SERPINI1: variants seen among roughly 807,000 people sequenced by gnomAD.
SERPINI1 encodes neuroserpin.
SERPINI1 carries 19 observed loss-of-function variants against 41.1 expected under a neutral mutation model. The observed-to-expected ratio is 0.46, with a 90% CI of 0.32 to 0.68. The LOEUF (loss-of-function observed/expected upper bound fraction) is 0.68, where lower values mean the gene tolerates loss of function less well. Among genes scored for constraint, SERPINI1 ranks in the 30% least tolerant of loss-of-function variants. The pLI, the probability that SERPINI1 is intolerant of heterozygous loss-of-function variation, is 0.03. For missense variants in SERPINI1, 460 were observed against 479.2 expected, an observed-to-expected ratio of 0.96 and a Z score of 0.37; for synonymous variants, 138 against 156.6, an observed-to-expected ratio of 0.88 and a Z score of 0.89.
intron 1 of SERPINI1, among the ~76,000 whole-genome samples, chr3:167,747,507 G>A (rs1285939147): frequency 3.9e-5 from 6 of 152,160 alleles, no homozygotes; most frequent in Non-Finnish European, 1.5e-5. Flanking sequence ...AGCTGGGCGT[G>A]GCAGCGGGCG....
chr3:167,803,555 T>C (rs1711521473), intron 5 of SERPINI1, among the ~76,000 whole-genome samples: 1 of 152,132 alleles, frequency 6.6e-6, no homozygotes, highest in South Asian at 2.1e-4. Flanking sequence ...CCAACAATGC[T>C]ATGAAATAGG....
chr3:167,810,610 G>C (rs1711839515), intron 6 of SERPINI1, among the ~76,000 whole-genome samples: 1 of 152,160 alleles, frequency 6.6e-6, no homozygotes, highest in Non-Finnish European at 1.5e-5. Flanking sequence ...TAAGCTTTTT[G>C]TTGGTGGAGA....
At chr3:167,757,511 C>G (rs1239236005) in intron 1 of SERPINI1, among the ~76,000 whole-genome samples, 1 of 140,972 alleles carries the variant, frequency 7.1e-6, no homozygotes, top group African/African-American at 2.6e-5. Context: ...CTCTCTCTCT[C>G]ACACACACAC....
rs147836897 is a variant in SERPINI1 at position 167,810,241 on chromosome 3, C to G, written c.979+2900C>G. Among the ~76,000 whole-genome samples the G allele has an allele frequency of 4.6e-3, 694 of 152,140 alleles. 7 individuals are homozygous for G. Among genetic ancestry groups the G allele is most frequent in the African/African-American group, 0.016 (655 of 41,504 alleles). On this transcript the variant is annotated intron_variant, in intron 6 of 8. Transcript: ENST00000446050. ...GTCTAGTTTTTTCCTCTCCAAATAA[C>G]ATAACCTTGATGATTAATGTCTATA...
rs150707839 is a variant in SERPINI1 at position 167,809,068 on chromosome 3, A to T, written c.979+1727A>T. ...CTATATAAATGTTCCTGTCCACATAAGAGAAATGAGCTTTCCCTGAGTAAA... is the reference window on the plus strand; with the variant it reads ...CTATATAAATGTTCCTGTCCACATATGAGAAATGAGCTTTCCCTGAGTAAA... On this transcript the variant is annotated intron_variant, in intron 6 of 8. Coordinates refer to ENST00000446050, the MANE Select transcript of SERPINI1 (RefSeq NM_001122752.2). 2.5e-3 allele frequency among the ~76,000 whole-genome samples: 374 copies of T among 152,328 alleles called. 1 individual carries two copies. Among genetic ancestry groups the T allele is most frequent in the African/African-American group, 8.7e-3 (361 of 41,572 alleles).
intron 6 of SERPINI1, among the ~76,000 whole-genome samples, chr3:167,820,134 G>A (rs915760641): frequency 2.0e-5 from 3 of 152,160 alleles, no homozygotes; most frequent in Non-Finnish European, 4.4e-5. Context: ...TTCTTCTGAG[G>A]CCTCCCTTCT....
chr3:167,822,585 A>T (rs1400911919), intron 6 of SERPINI1, among the ~76,000 whole-genome samples: 21 of 152,080 alleles, frequency 1.4e-4, no homozygotes. Flanking sequence ...AAAAAGGAAA[A>T]AATTTTTTAT....
At chr3:167,770,687 T>C (rs919727865) in intron 1 of SERPINI1, among the ~76,000 whole-genome samples, 1 of 152,196 alleles carries the variant, frequency 6.6e-6, no homozygotes, top group African/African-American at 2.4e-5. Context: ...TTCCACTTAT[T>C]CTAGTCTTTT....
chr3:167,808,042 C>T (rs1711717441), intron 6 of SERPINI1, among the ~76,000 whole-genome samples: 1 of 151,788 alleles, frequency 6.6e-6, no homozygotes, highest in Admixed American at 6.6e-5. Flanking sequence ...TGTTTGAACC[C>T]AGGAGGCAGA....
intron 1 of SERPINI1, among the ~76,000 whole-genome samples, chr3:167,748,472 G>A (rs193036369): frequency 1.3e-5 from 2 of 152,140 alleles, no homozygotes; most frequent in Non-Finnish European, 2.9e-5. Flanking sequence ...TAGAACTAAC[G>A]TCGCTAAACC....
At chr3:167,746,902 G>A (rs1725877575) in intron 1 of SERPINI1, among the ~76,000 whole-genome samples, 1 of 152,144 alleles carries the variant, frequency 6.6e-6, no homozygotes, top group Non-Finnish European at 1.5e-5. Flanking sequence ...CACAGAGTTA[G>A]CCTATGACCC....
chr3:167,764,226 T>A (rs1726483620), intron 1 of SERPINI1, among the ~76,000 whole-genome samples: 1 of 152,200 alleles, frequency 6.6e-6, no homozygotes, highest in Non-Finnish European at 1.5e-5. Context: ...GCTGTGATTA[T>A]TAAGCCAAAC....
At chr3:167,807,202 A>G in intron 5 of SERPINI1, 42 bp from the exon 6 acceptor site, 3 of 1,275,856 alleles carry the variant, frequency 2.4e-6, no homozygotes, top group South Asian at 2.4e-5. Context: ...CCAGGTAACA[A>G]GATGCTCTAA....
At chr3:167,810,591 A>G (rs1212146507) in intron 6 of SERPINI1, among the ~76,000 whole-genome samples, 1 of 147,598 alleles carries the variant, frequency 6.8e-6, no homozygotes, top group East Asian at 1.9e-4. Flanking sequence ...CTGAGCCATC[A>G]GTGAGTCATA....
intron 5 of SERPINI1, among the ~76,000 whole-genome samples, chr3:167,805,110 C>T (rs1711582927): frequency 6.6e-6 from 1 of 151,768 alleles, no homozygotes; most frequent in African/African-American, 2.4e-5. Context: ...AATAAAGACC[C>T]ATGATTCTTT....
In SERPINI1 at chr3:167,759,400, G is replaced by GTGTATGTATATATATATATATATATA. The variant is rs964402772; in HGVS notation, c.-19+23578_-19+23579insGTATGTATATATATATATATATATAT. 6.6e-4 allele frequency among the ~76,000 whole-genome samples: 80 copies of GTGTATGTATATATATATATATATATA among 121,160 alleles called. 1 individual carries two copies. Among genetic ancestry groups the GTGTATGTATATATATATATATATATA allele is most frequent in the African/African-American group, 2.3e-3 (77 of 32,924 alleles). The allele number at this position is 121,160 out of a possible 152,430, so 79.5% of individuals were successfully genotyped here. Reference sequence around the variant, plus strand: ...ATCAACATTGGATAAAGAAAATGTGGTATATATATATATATATATATGCGC... The same window carrying GTGTATGTATATATATATATATATATA: ...ATCAACATTGGATAAAGAAAATGTGGTGTATGTATATATATATATATATATATATATATATATATATATATATGCGC... On this transcript the variant is annotated intron_variant, in intron 1 of 8. Transcript: ENST00000446050.
chr3:167,806,909 C>T (rs1318713490), intron 5 of SERPINI1, among the ~76,000 whole-genome samples: 1 of 151,952 alleles, frequency 6.6e-6, no homozygotes, highest in African/African-American at 2.4e-5. Flanking sequence ...GAAAGCTACT[C>T]ATTTACAAGT....
chr3:167,800,081 A>G (rs1168624089), intron 5 of SERPINI1: 1 of 152,160 alleles, frequency 6.6e-6, no homozygotes, highest in African/African-American at 2.4e-5. Flanking sequence ...CTGAATTGAA[A>G]TTGTATTTTT....
At chr3:167,754,403 A>G (rs1355599257) in intron 1 of SERPINI1, among the ~76,000 whole-genome samples, 5 of 152,248 alleles carry the variant, frequency 3.3e-5, no homozygotes. Flanking sequence ...TTTTGATTGT[A>G]TACAACAAAA....
Sources: gnomAD v4.1 joint callset for allele counts (sites outside exome capture counted in the v4.1 genomes callset) on GRCh38, gnomAD v4.1.1 for gene constraint, MANE v1.5 for transcripts, NCBI Gene and HGNC (gene_info 2026-07-23, HGNC 2026-07-21) for gene names.